Variants in LAMA2 observed in about 807,000 individuals in gnomAD.
LAMA2 encodes laminin subunit alpha-2.
LAMA2 carries 269 observed loss-of-function variants against 364.8 expected under a neutral mutation model. The observed-to-expected ratio is 0.74, with a 90% CI of 0.67 to 0.82. The LOEUF is 0.82. Among genes scored for constraint, LAMA2 ranks in the 40% least tolerant of loss-of-function variants. The pLI, the probability that LAMA2 is intolerant of heterozygous loss-of-function variation, is 0.00. For synonymous variants in LAMA2, 1,379 were observed against 1,370.6 expected (o/e 1.01, Z -0.14); for missense variants, 3,807 against 3,873.2 (o/e 0.98, Z 0.45).
chr6:129,412,592 A>G (rs1171732389), intron 40 of LAMA2, among the ~76,000 whole-genome samples: 8 of 152,214 alleles, frequency 5.3e-5, no homozygotes, highest in Admixed American at 5.2e-4. Flanking sequence ...TCATAAATAT[A>G]AAATATAATG....
rs139484440 is a variant in LAMA2 at position 129,325,581 on chromosome 6, G to A, written c.4177-2697G>A. Among the ~76,000 whole-genome samples the A allele has an allele frequency of 9.3e-5, 14 of 151,266 alleles. No individual in the cohort carries two copies. In the East Asian group the frequency reaches 1.4e-3, roughly 15 times the overall value. On this transcript the variant is annotated intron_variant, in intron 28 of 64. Transcript: ENST00000421865. ...CACGTTTTAAGTTTCTAATCTTTGC[G>A]TTGTCAAATACTCTCTCTCTCTCTT...
At chr6:129,075,506 A>G (rs1773578004) in intron 3 of LAMA2, among the ~76,000 whole-genome samples, 1 of 152,226 alleles carries the variant, frequency 6.6e-6, no homozygotes, top group African/African-American at 2.4e-5. Flanking sequence ...TAGTGAGATA[A>G]GTGTGAAAAC....
At chr6:128,925,671 T>C (rs1350635793) in intron 1 of LAMA2, among the ~76,000 whole-genome samples, 1 of 152,224 alleles carries the variant, frequency 6.6e-6, no homozygotes. Flanking sequence ...ATGTTATGTG[T>C]ATTTTACAAT....
At chr6:129,507,699 C>T in intron 62 of LAMA2, 57 bp downstream of exon 62, 4 of 1,507,910 alleles carry the variant, frequency 2.7e-6, no homozygotes, top group Non-Finnish European at 3.7e-6. Flanking sequence ...ATACTAACTT[C>T]TTGCTAGTAC....
At chr6:129,279,956 C>A (rs1313397766) in intron 17 of LAMA2, 105 bp from the exon 18 acceptor site, 6 of 789,026 alleles carry the variant, frequency 7.6e-6, no homozygotes, top group African/African-American at 1.7e-5. Flanking sequence ...CCAGCCTGTA[C>A]TCTTTTGTCA....
At chr6:129,380,790 T>G (rs981307431) in intron 34 of LAMA2, among the ~76,000 whole-genome samples, 6 of 150,430 alleles carry the variant, frequency 4.0e-5, no homozygotes, top group African/African-American at 1.5e-4. Context: ...TTTAACTTCT[T>G]TCTTATCATG....
chr6:129,234,562 A>C (rs1203904528), intron 12 of LAMA2, among the ~76,000 whole-genome samples: 1 of 152,202 alleles, frequency 6.6e-6, no homozygotes, highest in African/African-American at 2.4e-5. Context: ...TAAGAAATCC[A>C]TTAGCATAAA....
At chr6:129,068,488 G>A (rs1313636355) in intron 3 of LAMA2, among the ~76,000 whole-genome samples, 1 of 152,184 alleles carries the variant, frequency 6.6e-6, no homozygotes, top group East Asian at 1.9e-4. Context: ...CATGGCAGAA[G>A]GGGCAAATAA....
At chr6:129,467,270 A>G (rs904593967) in intron 51 of LAMA2, among the ~76,000 whole-genome samples, 1 of 151,844 alleles carries the variant, frequency 6.6e-6, no homozygotes, top group African/African-American at 2.4e-5. Flanking sequence ...ATCCAATACC[A>G]TATGTTCTCA....
rs190672203 is a variant in LAMA2 at position 128,982,913 on chromosome 6, C to T, written c.113-67005C>T. 2.6e-3 allele frequency among the ~76,000 whole-genome samples: 380 copies of T among 147,732 alleles called. 6 individuals are homozygous for T. Among genetic ancestry groups the T allele is most frequent in the Admixed American group, 0.021 (310 of 14,552 alleles). ...TACTGAGAATGATGATTTCCAGTAT[C>T]GTCCATGTCCCTACAAAGGACAGGA... On this transcript the variant is annotated intron_variant, in intron 1 of 64. Coordinates refer to ENST00000421865, the MANE Select transcript of LAMA2 (RefSeq NM_000426.4).
Position 129,059,880 on chromosome 6 carries a change from C to G in LAMA2, c.380C>G (p.Thr127Ser). 6.4e-7 allele frequency: 1 copy of G among 1,566,056 alleles called. No homozygotes were observed. Among genetic ancestry groups the G allele is most frequent in the Non-Finnish European group, 8.8e-7 (1 of 1,136,036 alleles). ...NGIEYHYVTITLDLQQVFQIA... is the reference protein window; with the variant it reads ...NGIEYHYVTISLDLQQVFQIA... ...ATCGAATACCATTATGTGACAATTA[C>G]CCTGGATTTACAGCAGGTATAGTTC... The change falls in exon 3 of 65, where the codon ACC (threonine) becomes AGC (serine). Residue 127 changes from threonine (T) to serine (S), a missense_variant. Around this residue, in one of 3 missense-constraint regions of LAMA2, gnomAD observed 394 missense variants for 403.5 expected, o/e 0.98. Coordinates refer to ENST00000421865, the MANE Select transcript of LAMA2 (RefSeq NM_000426.4).
chr6:129,410,762 T>A (rs1780500988), intron 40 of LAMA2, among the ~76,000 whole-genome samples: 1 of 150,432 alleles, frequency 6.6e-6, no homozygotes, highest in Non-Finnish European at 1.5e-5. Flanking sequence ...AGATAATAGA[T>A]TAGATGATAG....
intron 29 of LAMA2, among the ~76,000 whole-genome samples, chr6:129,332,986 A>G (rs1210822868): frequency 7.2e-6 from 1 of 138,242 alleles, no homozygotes; most frequent in Non-Finnish European, 1.5e-5. Context: ...TCCACCTCCC[A>G]GGTTCAAGCG....
At chr6:129,199,585 G>A (rs12210504) in intron 12 of LAMA2, among the ~76,000 whole-genome samples, 59,858 of 151,860 alleles carry the variant, frequency 0.39, 15,014 homozygotes, top group African/African-American at 0.72. Context: ...GTAAAATCAA[G>A]AGAATCTACA....
At chr6:129,471,067 T>C (rs1211435992) in intron 51 of LAMA2, among the ~76,000 whole-genome samples, 1 of 151,910 alleles carries the variant, frequency 6.6e-6, no homozygotes, top group Non-Finnish European at 1.5e-5. Context: ...GCATTGATTA[T>C]AAAATATTTC....
intron 17 of LAMA2, among the ~76,000 whole-genome samples, chr6:129,275,775 A>G (rs560077552): frequency 2.6e-5 from 4 of 151,324 alleles, no homozygotes; most frequent in South Asian, 2.1e-4. Context: ...AGTCGTATCT[A>G]TAATTTATTA....
chr6:129,307,832 G>A (rs987817757), intron 22 of LAMA2, among the ~76,000 whole-genome samples: 2 of 152,152 alleles, frequency 1.3e-5, no homozygotes, highest in African/African-American at 2.4e-5. Flanking sequence ...AATAATAAGG[G>A]CATTTTTTTA....
intron 16 of LAMA2, among the ~76,000 whole-genome samples, chr6:129,268,534 C>A (rs1265864691): frequency 6.6e-6 from 1 of 152,010 alleles, no homozygotes. Context: ...ATCAAATTTT[C>A]ATGCTGAATT....
At chr6:128,990,218 G>A (rs544913581) in intron 1 of LAMA2, among the ~76,000 whole-genome samples, 19 of 151,926 alleles carry the variant, frequency 1.3e-4, no homozygotes, top group African/African-American at 2.9e-4. Flanking sequence ...TTAGGTCCTC[G>A]GCCTATGCTA....
Sources: allele counts gnomAD v4.1 joint callset (sites outside exome capture counted in the v4.1 genomes callset), GRCh38; gene constraint gnomAD v4.1.1; regional missense constraint gnomAD v4.1.1; transcripts MANE v1.5; gene names NCBI Gene and HGNC (gene_info 2026-07-23, HGNC 2026-07-21).